Variants in MCTP1 observed in about 807,000 individuals in gnomAD.
MCTP1 encodes multiple C2 and transmembrane domain-containing protein 1.
A neutral mutation model predicts 120.6 loss-of-function variants in MCTP1; 69 were observed. That is an observed-to-expected ratio of 0.57 (90% CI 0.47 to 0.70). The LOEUF is 0.70. Ranked by LOEUF, MCTP1 falls within the 30% of genes least tolerant of loss-of-function variation. MCTP1 has a pLI of 0.00. For missense variants in MCTP1, 1,203 were observed against 1,248.8 expected (o/e 0.96, Z 0.55); for synonymous variants, 529 against 493.1 (o/e 1.07, Z -0.96).
At chr5:94,847,646 CTGTGTGTGTGTGTGTGTG>C (rs70978134) in intron 17 of MCTP1, among the ~76,000 whole-genome samples, 1 of 115,688 alleles carries the variant, frequency 8.6e-6, no homozygotes, top group African/African-American at 3.3e-5. Context: ...AAGCAGCAAT[CTGTGTGTGTGTGTGTGTG>C]TGTGTGTGTG....
chr5:95,088,803 G>A (rs1326651211), intron 1 of MCTP1, among the ~76,000 whole-genome samples: 1 of 152,148 alleles, frequency 6.6e-6, no homozygotes, highest in East Asian at 1.9e-4. Flanking sequence ...ATTCTGATAA[G>A]GAAACTGAGG....
chr5:94,796,605 A>C (rs1294921440), intron 18 of MCTP1, among the ~76,000 whole-genome samples: 13 of 90,082 alleles, frequency 1.4e-4, no homozygotes, highest in African/African-American at 4.8e-4. Context: ...ACATATATAT[A>C]ATATATATAA....
chr5:94,845,989 G>A (rs1792245795), intron 17 of MCTP1, among the ~76,000 whole-genome samples: 1 of 152,120 alleles, frequency 6.6e-6, no homozygotes, highest in Non-Finnish European at 1.5e-5. Context: ...TTACTGAAAA[G>A]TCAAAAAATA....
At chr5:94,891,219 CA>C (rs34355780) in intron 11 of MCTP1, among the ~76,000 whole-genome samples, 63,016 of 151,862 alleles carry the variant, frequency 0.41, 14,258 homozygotes, top group Non-Finnish European at 0.52. Context: ...TGTTTATCAC[CA>C]AAAATCTATT....
intron 1 of MCTP1, among the ~76,000 whole-genome samples, chr5:95,220,985 A>G (rs553990459): frequency 6.6e-6 from 1 of 152,364 alleles, no homozygotes; most frequent in East Asian, 1.9e-4. Flanking sequence ...AAATTACGCA[A>G]AAAGGACCTA....
intron 1 of MCTP1, among the ~76,000 whole-genome samples, chr5:95,112,023 A>C (rs748981867): frequency 2.2e-4 from 34 of 152,182 alleles, no homozygotes; most frequent in Non-Finnish European, 4.3e-4. Context: ...CAGTGCCACA[A>C]ATATAGAAAG....
At chr5:95,178,125 A>C (rs1206452587) in intron 1 of MCTP1, among the ~76,000 whole-genome samples, 1 of 152,112 alleles carries the variant, frequency 6.6e-6, no homozygotes, top group African/African-American at 2.4e-5. Context: ...AGGCAGCCAT[A>C]ATCCCCCTGT....
chr5:95,029,268 C>T (rs1839862411), intron 1 of MCTP1, among the ~76,000 whole-genome samples: 1 of 151,890 alleles, frequency 6.6e-6, no homozygotes, highest in Non-Finnish European at 1.5e-5. Context: ...GGAAATATTA[C>T]AGGAGTCAGA....
At chr5:94,873,800 A>G (rs1007226640) in intron 12 of MCTP1, among the ~76,000 whole-genome samples, 1 of 152,054 alleles carries the variant, frequency 6.6e-6, no homozygotes, top group Non-Finnish European at 1.5e-5. Flanking sequence ...AAGGTAAATT[A>G]GACCCTCTGA....
At chr5:94,848,529 T>C (rs1792986721) in intron 17 of MCTP1, among the ~76,000 whole-genome samples, 1 of 152,148 alleles carries the variant, frequency 6.6e-6, no homozygotes, top group Non-Finnish European at 1.5e-5. Context: ...GCTCTTCTTG[T>C]TCCTGAAATT....
intron 12 of MCTP1, among the ~76,000 whole-genome samples, chr5:94,882,639 G>T (rs1427342500): frequency 6.6e-6 from 1 of 152,066 alleles, no homozygotes; most frequent in Non-Finnish European, 1.5e-5. Context: ...AGCCAAATCA[G>T]CAATTTGCTA....
At chr5:94,957,642 C>A (rs467322) in intron 2 of MCTP1, among the ~76,000 whole-genome samples, 6,893 of 151,628 alleles carry the variant, frequency 0.045, 198 homozygotes, top group East Asian at 0.088. Flanking sequence ...ACAGATTTTA[C>A]ACCAATGAAG....
chr5:95,272,112 A>C (rs571912209), intron 1 of MCTP1, among the ~76,000 whole-genome samples: 4 of 152,214 alleles, frequency 2.6e-5, no homozygotes, highest in Non-Finnish European at 5.9e-5. Context: ...TATGATATGC[A>C]TGAAAGAGTA....
chr5:95,097,949 G>A (rs1756397332), intron 1 of MCTP1, among the ~76,000 whole-genome samples: 1 of 151,882 alleles, frequency 6.6e-6, no homozygotes, highest in Admixed American at 6.6e-5. Flanking sequence ...TCCATTTTTG[G>A]TTAGCTACTA....
chr5:95,037,784 C>T (rs576993310), intron 1 of MCTP1, among the ~76,000 whole-genome samples: 7 of 152,066 alleles, frequency 4.6e-5, no homozygotes, highest in Admixed American at 1.3e-4. Flanking sequence ...GAGGGAGAAT[C>T]GCGTGAACCC....
At chr5:94,966,593 A>C (rs1315742530) in intron 2 of MCTP1, among the ~76,000 whole-genome samples, 1 of 152,184 alleles carries the variant, frequency 6.6e-6, no homozygotes. Context: ...CAGGAGATCA[A>C]GACCATCCTG....
intron 3 of MCTP1, among the ~76,000 whole-genome samples, chr5:94,945,239 T>A (rs1439493035): frequency 6.6e-6 from 1 of 152,188 alleles, no homozygotes; most frequent in East Asian, 1.9e-4. Flanking sequence ...AGGTAACAGG[T>A]AGAAGTTGCT....
At chr5:95,089,080 A>G (rs1755657772) in intron 1 of MCTP1, among the ~76,000 whole-genome samples, 1 of 152,242 alleles carries the variant, frequency 6.6e-6, no homozygotes, top group South Asian at 2.1e-4. Flanking sequence ...TACCAATTAG[A>G]AAAACTGCAA....
chr5:95,056,773 G>A (rs1251613230), intron 1 of MCTP1, among the ~76,000 whole-genome samples: 2 of 151,980 alleles, frequency 1.3e-5, no homozygotes, highest in East Asian at 1.9e-4. Flanking sequence ...TGTTACTCTC[G>A]TCAGTTCTCT....
Sources: allele counts gnomAD v4.1 joint callset (sites outside exome capture counted in the v4.1 genomes callset), GRCh38; gene constraint gnomAD v4.1.1; transcripts MANE v1.5; gene names NCBI Gene and HGNC (gene_info 2026-07-23, HGNC 2026-07-21).